TLN2: variants seen among roughly 807,000 people sequenced by gnomAD.
The protein encoded by TLN2 is talin-2.
In TLN2, 118 loss-of-function variants were observed where a neutral mutation model predicts 294.7. The observed-to-expected ratio is 0.40, with a 90% CI of 0.34 to 0.47. The LOEUF is 0.47. Ranked by LOEUF, TLN2 falls within the 20% of genes least tolerant of loss-of-function variation. The pLI is 0.84. For missense variants in TLN2, 3,083 were observed against 3,282.2 expected, an observed-to-expected ratio of 0.94 and a Z score of 1.48; for synonymous variants, 1,431 against 1,304.5, an observed-to-expected ratio of 1.10 and a Z score of -2.09.
At chr15:62,728,513 T>C (rs1486319052) in intron 28 of TLN2, among the ~76,000 whole-genome samples, 1 of 152,212 alleles carries the variant, frequency 6.6e-6, no homozygotes, top group Non-Finnish European at 1.5e-5. Flanking sequence ...GTTCAGTACA[T>C]TTCTTTCAGC....
In TLN2 at chr15:62,797,315, C is replaced by A. The variant is rs769288352; in HGVS notation, c.6147C>A (p.Ala2049=). 3.7e-6 allele frequency: 6 copies of A among 1,613,624 alleles called. No individual in the cohort carries two copies. The Admixed American group carries it at 6.7e-5, about 18-fold the overall frequency. ...ASTPDKLAQA[A]QSSAATITQL... ...CTCCTGACAAGCTGGCCCAGGCGGC[C>A]CAGTCCTCAGCAGCCACCATCACCC... is the stretch of plus-strand genomic sequence containing the variant. Residue 2049 remains alanine, a synonymous_variant, in exon 48 of 59, where the codon GCC becomes GCA. Transcript: ENST00000636159.
At chr15:62,723,451 T>C (rs1344346565) in intron 26 of TLN2, among the ~76,000 whole-genome samples, 4 of 151,872 alleles carry the variant, frequency 2.6e-5, no homozygotes, top group Non-Finnish European at 4.4e-5. Context: ...CACACCAACA[T>C]TGAACCACAC....
rs1645256725 is a variant in TLN2 at position 62,838,787 on chromosome 15, C to T, written c.7375-69C>T. 6 of 1,579,290 alleles carry T rather than the reference C, an allele frequency of 3.8e-6. No individual in the cohort carries two copies. In the African/African-American group the frequency reaches 4.1e-5, roughly 11 times the overall value. On this transcript the variant is annotated intron_variant, in intron 57 of 58. Coordinates refer to ENST00000636159, the MANE Select transcript of TLN2 (RefSeq NM_015059.3). ...CTCATGGTCTCACAAACTGTACCTTCATGTCTATTCTTGCCAGGCCCAAAT... is the reference window on the plus strand; with the variant it reads ...CTCATGGTCTCACAAACTGTACCTTTATGTCTATTCTTGCCAGGCCCAAAT...
At chr15:62,420,653 G>A (rs1204762044) in intron 1 of TLN2, among the ~76,000 whole-genome samples, 4 of 152,190 alleles carry the variant, frequency 2.6e-5, no homozygotes, top group African/African-American at 9.6e-5. Flanking sequence ...TTAAAAGCCA[G>A]TGACTTTATA....
intron 10 of TLN2, among the ~76,000 whole-genome samples, chr15:62,674,204 G>A (rs996484940): frequency 3.3e-5 from 5 of 152,178 alleles, no homozygotes; most frequent in Admixed American, 6.5e-5. Flanking sequence ...GGATCTACAA[G>A]TAGCCTCTTT....
At chr15:62,711,688 G>T (rs1043709870) in intron 21 of TLN2, among the ~76,000 whole-genome samples, 1 of 152,200 alleles carries the variant, frequency 6.6e-6, no homozygotes, top group South Asian at 2.1e-4. Flanking sequence ...CATAGTGAAA[G>T]GTTGAACCTG....
At chr15:62,485,919 A>G (rs895026359) in intron 1 of TLN2, among the ~76,000 whole-genome samples, 4 of 152,100 alleles carry the variant, frequency 2.6e-5, no homozygotes, top group Admixed American at 2.0e-4. Flanking sequence ...GCTTTATTTA[A>G]CAGACGTTAC....
chr15:62,756,732 G>C (rs1377438494), intron 37 of TLN2, among the ~76,000 whole-genome samples: 1 of 151,956 alleles, frequency 6.6e-6, no homozygotes, highest in Non-Finnish European at 1.5e-5. Flanking sequence ...ATTTTGTTTT[G>C]ACTACAAAAA....
intron 44 of TLN2, among the ~76,000 whole-genome samples, chr15:62,783,416 G>T (rs1486374100): frequency 1.3e-5 from 2 of 152,214 alleles, no homozygotes; most frequent in African/African-American, 4.8e-5. Flanking sequence ...ACCCCCCAGG[G>T]CTGCGCTGGC....
intron 1 of TLN2, among the ~76,000 whole-genome samples, chr15:62,559,779 G>T (rs1015702168): frequency 1.3e-5 from 2 of 152,226 alleles, no homozygotes; most frequent in African/African-American, 4.8e-5. Context: ...CACTGAAGGT[G>T]CTCTCCTGGG....
intron 4 of TLN2, among the ~76,000 whole-genome samples, chr15:62,649,287 C>A (rs1030346221): frequency 1.3e-5 from 2 of 148,578 alleles, no homozygotes; most frequent in African/African-American, 5.1e-5. Context: ...GTTTTTCTGT[C>A]GGATTTTTTT....
At chr15:62,617,829 A>G (rs1389864692) in intron 2 of TLN2, among the ~76,000 whole-genome samples, 2 of 152,210 alleles carry the variant, frequency 1.3e-5, no homozygotes, top group Non-Finnish European at 2.9e-5. Context: ...TTTAGGAGAA[A>G]CATACTCTGT....
chr15:62,714,840 T>TA (rs201570410), intron 22 of TLN2, among the ~76,000 whole-genome samples: 3,997 of 152,204 alleles, frequency 0.026, 177 homozygotes, highest in African/African-American at 0.091. Context: ...ATATTCATCA[T>TA]AAAAAAAGAC....
intron 1 of TLN2, among the ~76,000 whole-genome samples, chr15:62,519,784 G>A (rs1433187278): frequency 2.0e-5 from 3 of 152,194 alleles, no homozygotes; most frequent in Non-Finnish European, 2.9e-5. Flanking sequence ...TGTGTTACGT[G>A]CATATGAAAT....
intron 11 of TLN2, among the ~76,000 whole-genome samples, chr15:62,680,254 T>C (rs1295279616): frequency 6.6e-6 from 1 of 152,220 alleles, no homozygotes; most frequent in Non-Finnish European, 1.5e-5. Flanking sequence ...ATAGATCAAT[T>C]TGGAGATAAT....
chr15:62,842,741 A>G lies in TLN2; in HGVS notation c.*2131A>G, dbSNP rs1291196297. 6.6e-6 allele frequency: 1 copy of G among 152,196 alleles called. No individual in the cohort carries two copies. The highest frequency in any genetic ancestry group is 1.5e-5 in the Non-Finnish European group (1 of 68,022). The allele number at this position is 152,196 out of a possible 1,614,324, so 9.4% of individuals were successfully genotyped here. A position where few individuals can be genotyped will look rare whatever the true frequency, so the allele number is the denominator to read the frequency against. Reference sequence around the variant, plus strand: ...AACCAAATGCAAAGGCCTTTCCTTTATAACTCTAAAGAACAGGCATCGAAA... The same window carrying G: ...AACCAAATGCAAAGGCCTTTCCTTTGTAACTCTAAAGAACAGGCATCGAAA... On this transcript the variant is annotated 3_prime_UTR_variant, in exon 59 of 59. Coordinates refer to ENST00000636159, the MANE Select transcript of TLN2 (RefSeq NM_015059.3).
At chr15:62,432,681 T>G (rs749346783) in intron 1 of TLN2, among the ~76,000 whole-genome samples, 1 of 152,214 alleles carries the variant, frequency 6.6e-6, no homozygotes, top group Non-Finnish European at 1.5e-5. Context: ...GTGAAGAAAC[T>G]GCAGGAGGTG....
chr15:62,523,815 A>T (rs749629870), intron 1 of TLN2, among the ~76,000 whole-genome samples: 1 of 152,264 alleles, frequency 6.6e-6, no homozygotes, highest in South Asian at 2.1e-4. Flanking sequence ...CACTTAAGTC[A>T]AAACCAATTA....
At chr15:62,495,712 C>T (rs937023664) in intron 1 of TLN2, among the ~76,000 whole-genome samples, 6 of 152,156 alleles carry the variant, frequency 3.9e-5, no homozygotes, top group African/African-American at 1.4e-4. Flanking sequence ...AGAGGGTAGA[C>T]TTATATTACT....
Sources: gnomAD v4.1 joint callset for allele counts (sites outside exome capture counted in the v4.1 genomes callset) on GRCh38, gnomAD v4.1.1 for gene constraint, MANE v1.5 for transcripts, NCBI Gene and HGNC (gene_info 2026-07-23, HGNC 2026-07-21) for gene names.